LRRK2: variants seen among roughly 807,000 people sequenced by gnomAD.
LRRK2 encodes leucine rich repeat kinase 2.
Under a neutral mutation model 302.6 loss-of-function variants are expected in LRRK2, and 203 were observed. That is an observed-to-expected ratio of 0.67 (90% CI 0.60 to 0.75). LRRK2 has a LOEUF of 0.75. Among genes scored for constraint, LRRK2 ranks in the 30% least tolerant of loss-of-function variants. The probability of loss-of-function intolerance (pLI) is 0.00; values close to 1 mark genes in which losing one functional copy is unlikely to be tolerated. For synonymous variants in LRRK2, 1,066 were observed against 1,031.9 expected, an observed-to-expected ratio of 1.03 and a Z score of -0.63; for missense variants, 2,830 against 2,951.0, an observed-to-expected ratio of 0.96 and a Z score of 0.95.
At position 40,252,933 on chromosome 12, in the gene LRRK2, T is replaced by A. The variant is rs1942342917; in HGVS notation, c.1205T>A (p.Met402Lys). 6.2e-7 allele frequency: 1 copy of A among 1,613,332 alleles called. No individual in the cohort carries two copies. Among genetic ancestry groups the A allele is most frequent in the Non-Finnish European group, 8.5e-7 (1 of 1,179,460 alleles). The change falls in exon 11 of 51, where the codon ATG (methionine) becomes AAG (lysine). Residue 402 changes from methionine (M) to lysine (K), a missense_variant. By Grantham distance (95) the Met-to-Lys change is moderately conservative. Coordinates refer to ENST00000298910, the MANE Select transcript of LRRK2 (RefSeq NM_198578.4). ...DGHFPAHREVMLSMLMHSSSK... is the reference protein window; with the variant it reads ...DGHFPAHREVKLSMLMHSSSK... ...AGTTTCCCAGCTCATAGGGAAGTGA[T>A]GCTCTCCATGCTGATGCATTCTTCA... is the stretch of plus-strand genomic sequence containing the variant.
At chr12:40,248,828 C>T (rs1942127560) in intron 7 of LRRK2, among the ~76,000 whole-genome samples, 1 of 152,008 alleles carries the variant, frequency 6.6e-6, no homozygotes, top group Non-Finnish European at 1.5e-5. Flanking sequence ...TGGGGACAAC[C>T]CAAGTTTAGA....
chr12:40,263,933 C>T, intron 14 of LRRK2, 32 bp downstream of exon 14: 3 of 1,444,930 alleles, frequency 2.1e-6, no homozygotes, highest in African/African-American at 1.4e-5. Context: ...TGTATTTATA[C>T]TATTAACTAA....
At chr12:40,263,062 T>A (rs1942846498) in intron 13 of LRRK2, among the ~76,000 whole-genome samples, 1 of 152,220 alleles carries the variant, frequency 6.6e-6, no homozygotes, top group African/African-American at 2.4e-5. Context: ...GTAGCCAGCT[T>A]ACAGTTTGCA....
At chr12:40,246,124 A>G (rs1339652917) in intron 7 of LRRK2, among the ~76,000 whole-genome samples, 1 of 151,920 alleles carries the variant, frequency 6.6e-6, no homozygotes, top group Non-Finnish European at 1.5e-5. Context: ...TTGTTAAGAA[A>G]TTTTATTTTA....
intron 33 of LRRK2, among the ~76,000 whole-genome samples, chr12:40,315,923 A>G (rs1204685972): frequency 6.6e-6 from 1 of 152,028 alleles, no homozygotes; most frequent in Non-Finnish European, 1.5e-5. Context: ...AGGGCTTTTC[A>G]ACCCCAGCAT....
intron 41 of LRRK2, among the ~76,000 whole-genome samples, chr12:40,340,875 A>T (rs1218446081): frequency 2.0e-5 from 3 of 152,212 alleles, no homozygotes; most frequent in Non-Finnish European, 2.9e-5. Context: ...AAGATTTTTT[A>T]AAAAATGACT....
intron 44 of LRRK2, among the ~76,000 whole-genome samples, chr12:40,353,849 C>A (rs554756161): frequency 6.6e-6 from 1 of 152,220 alleles, no homozygotes; most frequent in East Asian, 1.9e-4. Flanking sequence ...TCAGGCGTGG[C>A]GGCGCACGCC....
intron 33 of LRRK2, among the ~76,000 whole-genome samples, chr12:40,316,992 C>T (rs2136865452): frequency 6.6e-6 from 1 of 152,086 alleles, no homozygotes; most frequent in South Asian, 2.1e-4. Flanking sequence ...TGAAGTTGCA[C>T]ACATGTGAAC....
At chr12:40,281,172 C>T (rs1427554561) in intron 18 of LRRK2, among the ~76,000 whole-genome samples, 1 of 152,130 alleles carries the variant, frequency 6.6e-6, no homozygotes, top group Non-Finnish European at 1.5e-5. Context: ...ACCACCTGGG[C>T]ACTGCTCCAA....
intron 39 of LRRK2, among the ~76,000 whole-genome samples, chr12:40,331,107 T>G (rs1945700107): frequency 6.6e-6 from 1 of 152,228 alleles, no homozygotes; most frequent in South Asian, 2.1e-4. Flanking sequence ...CATCTTGATC[T>G]TTCTCTTTTA....
intron 3 of LRRK2, 103 bp from the exon 4 acceptor site, chr12:40,235,523 T>C (rs1399504429): frequency 6.7e-6 from 5 of 747,246 alleles, no homozygotes; most frequent in African/African-American, 3.5e-5. Flanking sequence ...GGGAATTAAA[T>C]ACAATGAGAG....
chr12:40,316,224 G>A (rs961184442), intron 33 of LRRK2: 2 of 487,290 alleles, frequency 4.1e-6, no homozygotes, highest in African/African-American at 4.2e-5. Context: ...AACCATAAAG[G>A]TAATTAAATT....
chr12:40,232,462 G>A lies in LRRK2; in HGVS notation c.347+79G>A, dbSNP rs530921689. ...TGACAACCTTCCCTTGATACACTGT[G>A]TTTGCAATCCAAGGCTACTCCTGTG... On this transcript the variant is annotated intron_variant, in intron 3 of 50. Coordinates refer to ENST00000298910, the MANE Select transcript of LRRK2 (RefSeq NM_198578.4). 3.4e-5 allele frequency: 35 copies of A among 1,018,026 alleles called. No homozygotes were observed. The African/African-American group carries it at 3.8e-4, about 11-fold the overall frequency. The allele number at this position is 1,018,026 out of a possible 1,614,324, so 63.1% of individuals were successfully genotyped here.
intron 42 of LRRK2, 152 bp downstream of exon 42, chr12:40,347,075 TA>T (rs1269512467): frequency 3.0e-6 from 2 of 672,734 alleles, no homozygotes; most frequent in Admixed American, 3.5e-5. Flanking sequence ...GATATATTAA[TA>T]AAAATCACCT....
Position 40,277,967 on chromosome 12 carries a change from T to G in LRRK2, c.2021T>G (p.Val674Gly). The G allele has an allele frequency of 6.2e-7, 1 of 1,613,564 alleles. No individual in the cohort carries two copies. The highest frequency in any genetic ancestry group is 8.5e-7 in the Non-Finnish European group (1 of 1,179,916). The change falls in exon 17 of 51, where the codon GTA (valine) becomes GGA (glycine). Residue 674 changes from valine to glycine, a missense_variant. This residue lies in a region of LRRK2 where 2,121 missense variants were observed against 2,148.0 expected (regional missense o/e 0.99). Transcript: ENST00000298910. ...CTGGTGCATCATTCATTTGACTTAGTAATATTCCATCAAATGTCTTCCAAT... is the reference window on the plus strand; with the variant it reads ...CTGGTGCATCATTCATTTGACTTAGGAATATTCCATCAAATGTCTTCCAAT... ...KLLVHHSFDL[V>G]IFHQMSSNIM...
chr12:40,273,680 T>A (rs1943328245), intron 14 of LRRK2, among the ~76,000 whole-genome samples: 1 of 152,112 alleles, frequency 6.6e-6, no homozygotes, highest in South Asian at 2.1e-4. Context: ...CTGCAAAACA[T>A]CATCTAAATG....
In LRRK2 at chr12:40,322,433, G is replaced by C; in HGVS notation, c.5432G>C (p.Trp1811Ser). Reference sequence around the variant, plus strand: ...GAAGGAGAAACTCTGTTGAAGAAATGGGCATTATATAGTTTTAATGATGGT... The same window carrying C: ...GAAGGAGAAACTCTGTTGAAGAAATCGGCATTATATAGTTTTAATGATGGT... ...CGEGETLLKK[W>S]ALYSFNDGEE... Residue 1811 changes from tryptophan to serine, a missense_variant, in exon 37 of 51, where the codon TGG becomes TCG. Trp to Ser is a radical substitution (Grantham distance 177). This residue lies in a region of LRRK2 where 2,121 missense variants were observed against 2,148.0 expected (regional missense o/e 0.99). Transcript: ENST00000298910. The C allele has an allele frequency of 1.2e-6, 2 of 1,613,216 alleles. No homozygotes were observed. Among genetic ancestry groups the C allele is most frequent in the Non-Finnish European group, 1.7e-6 (2 of 1,179,424 alleles).
At chr12:40,236,808 C>A (rs1330937741) in intron 4 of LRRK2, among the ~76,000 whole-genome samples, 1 of 152,078 alleles carries the variant, frequency 6.6e-6, no homozygotes, top group Non-Finnish European at 1.5e-5. Context: ...GTATGGCATG[C>A]ACTAAGAGTC....
chr12:40,290,565 T>A (rs1944104928), intron 20 of LRRK2, among the ~76,000 whole-genome samples: 1 of 152,074 alleles, frequency 6.6e-6, no homozygotes, highest in Admixed American at 6.6e-5. Context: ...ATTTAATAAC[T>A]TTGATAGATG....
Sources: allele counts gnomAD v4.1 joint callset (sites outside exome capture counted in the v4.1 genomes callset), GRCh38; gene constraint gnomAD v4.1.1; regional missense constraint gnomAD v4.1.1; transcripts MANE v1.5; gene names NCBI Gene and HGNC (gene_info 2026-07-23, HGNC 2026-07-21).